The following EPM2A variants were observed in gnomAD, a reference collection of about 807,000 sequenced individuals.
EPM2A encodes laforin.
A neutral mutation model predicts 26.5 loss-of-function variants in EPM2A; 21 were observed. The ratio of observed to expected loss-of-function variants is 0.79; its 90% CI spans 0.56 to 1.14. The LOEUF is 1.14. EPM2A is among the 50% of genes most tolerant of loss of function. EPM2A has a pLI of 0.00. For missense variants in EPM2A, 458 were observed against 440.8 expected (o/e 1.04, Z -0.35); for synonymous variants, 217 against 177.6 (o/e 1.22, Z -1.76).
intron 4 of EPM2A, among the ~76,000 whole-genome samples, chr6:145,405,103 G>C (rs558707557): frequency 6.6e-6 from 1 of 152,074 alleles, no homozygotes; most frequent in Non-Finnish European, 1.5e-5. Context: ...TAATTGGATT[G>C]CTGCTGTTGT....
chr6:145,395,183 C>A (rs1220323170), intron 4 of EPM2A, among the ~76,000 whole-genome samples: 1 of 152,118 alleles, frequency 6.6e-6, no homozygotes, highest in Non-Finnish European at 1.5e-5. Flanking sequence ...ACAGAGCTTG[C>A]GTTTCCAACC....
intron 4 of EPM2A, among the ~76,000 whole-genome samples, chr6:145,393,791 G>A (rs956902745): frequency 1.3e-5 from 2 of 151,764 alleles, no homozygotes; most frequent in African/African-American, 4.8e-5. Flanking sequence ...CCATAAAAAT[G>A]GTCAGGGTCA....
chr6:145,414,206 T>C (rs1368513513), intron 4 of EPM2A, among the ~76,000 whole-genome samples: 1 of 152,146 alleles, frequency 6.6e-6, no homozygotes, highest in Non-Finnish European at 1.5e-5. Context: ...CTTTCTTTTT[T>C]GCTGTCCTGG....
chr6:145,727,379 A>G (rs1445386398), intron 1 of EPM2A, among the ~76,000 whole-genome samples: 2 of 152,206 alleles, frequency 1.3e-5, no homozygotes, highest in Admixed American at 1.3e-4. Context: ...TTCATAGCAG[A>G]TTAGACCTAG....
Position 145,574,845 on chromosome 6 carries a change from T to G in EPM2A, c.340+60400A>C, listed in dbSNP as rs184399611. ...TGGGCCCAAATCAATAAATTTAGTC[T>G]GATCCAACTCTATGTTCCTTCCACC... On this transcript the variant is annotated intron_variant, in intron 2 of 3. Coordinates refer to the EPM2A transcript ENST00000450221. 1.1e-3 allele frequency among the ~76,000 whole-genome samples: 170 copies of G among 152,344 alleles called. 2 individuals are homozygous for G. Among genetic ancestry groups the G allele is most frequent in the Non-Finnish European group, 1.0e-3 (71 of 68,028 alleles).
At chr6:145,553,012 G>A (rs1780676725) in intron 2 of EPM2A, among the ~76,000 whole-genome samples, 1 of 152,030 alleles carries the variant, frequency 6.6e-6, no homozygotes, top group African/African-American at 2.4e-5. Context: ...ATCTCACCTT[G>A]AATTGTAATC....
At position 145,397,493 on chromosome 6, in the gene EPM2A, C is replaced by A. The variant is rs117729323; in HGVS notation, c.556-13396G>T. 3.2e-3 allele frequency among the ~76,000 whole-genome samples: 488 copies of A among 152,192 alleles called. 2 individuals are homozygous for A. Among genetic ancestry groups the A allele is most frequent in the Admixed American group, 6.9e-3 (106 of 15,272 alleles). On this transcript the variant is annotated intron_variant, in intron 4 of 4. Transcript: ENST00000638717. ...GGAAATTGTTATTGGTTGGTCTACG[C>A]CTTTAGAACAAGAAATGTTATCTCC...
At chr6:145,467,089 C>T (rs1012289792) in intron 4 of EPM2A, among the ~76,000 whole-genome samples, 1 of 152,014 alleles carries the variant, frequency 6.6e-6, no homozygotes, top group Non-Finnish European at 1.5e-5. Context: ...CACATGTATG[C>T]ATATGTAACT....
intron 4 of EPM2A, among the ~76,000 whole-genome samples, chr6:145,441,184 T>G (rs1174997287): frequency 1.3e-5 from 2 of 152,208 alleles, no homozygotes; most frequent in Non-Finnish European, 2.9e-5. Flanking sequence ...CAACACCACA[T>G]GGAAGCTGCC....
intron 2 of EPM2A, among the ~76,000 whole-genome samples, chr6:145,645,092 T>C (rs1271551574): frequency 6.6e-6 from 1 of 152,208 alleles, no homozygotes; most frequent in African/African-American, 2.4e-5. Context: ...ATGTTCCTGT[T>C]TGCAGTTAAT....
At chr6:145,576,160 C>G (rs1453635637) in intron 2 of EPM2A, among the ~76,000 whole-genome samples, 2 of 152,142 alleles carry the variant, frequency 1.3e-5, no homozygotes, top group African/African-American at 4.8e-5. Context: ...ATCTTTACCA[C>G]CCCACAATTC....
At chr6:145,429,129 A>C (rs1391020084) in intron 4 of EPM2A, among the ~76,000 whole-genome samples, 1 of 152,066 alleles carries the variant, frequency 6.6e-6, no homozygotes, top group Non-Finnish European at 1.5e-5. Context: ...TTTGATGATC[A>C]AATTTACAAA....
intron 2 of EPM2A, among the ~76,000 whole-genome samples, chr6:145,573,549 T>A (rs1780988041): frequency 1.3e-5 from 2 of 152,244 alleles, no homozygotes; most frequent in Admixed American, 1.3e-4. Flanking sequence ...GTGGTGGGAA[T>A]CACCACCCCT....
intron 2 of EPM2A, among the ~76,000 whole-genome samples, chr6:145,557,903 C>T (rs1164294632): frequency 6.6e-6 from 1 of 152,046 alleles, no homozygotes; most frequent in African/African-American, 2.4e-5. Context: ...GCCTCTCCAG[C>T]CCCCGGTAAC....
intron 2 of EPM2A, among the ~76,000 whole-genome samples, chr6:145,507,941 T>G (rs1274825035): frequency 2.6e-5 from 4 of 152,098 alleles, no homozygotes; most frequent in Non-Finnish European, 5.9e-5. Flanking sequence ...GGGGAGACAG[T>G]GCCCCACTAG....
rs760972465 is a variant in EPM2A at position 145,627,198 on chromosome 6, C to T, written c.*218G>A. On this transcript the variant is annotated 3_prime_UTR_variant, in exon 4 of 4. Coordinates refer to ENST00000367519, the MANE Select transcript of EPM2A (RefSeq NM_005670.4). The stretch of plus-strand genomic sequence containing the variant: ...TGTACAGCCTAACTGCTTCGTGCTT[C>T]TTCTCATGTGTTGAGCCACAGCTTT... 7.0e-7 allele frequency: 1 copy of T among 1,435,920 alleles called. No homozygotes were observed. 88.9% of individuals were successfully genotyped at this position (1,435,920 alleles called of 1,614,324 possible).
chr6:145,445,474 G>T (rs1779118027), intron 4 of EPM2A, among the ~76,000 whole-genome samples: 1 of 152,170 alleles, frequency 6.6e-6, no homozygotes, highest in Admixed American at 6.5e-5. Flanking sequence ...AGAGAATCTA[G>T]GCTATAATTT....
chr6:145,730,113 GC>G (rs1776411685), intron 1 of EPM2A, among the ~76,000 whole-genome samples: 1 of 152,096 alleles, frequency 6.6e-6, no homozygotes, highest in South Asian at 2.1e-4. Flanking sequence ...GGTCTCCCCA[GC>G]CATGTTTCCT....
At chr6:145,669,400 AG>A (rs1779484952) in intron 2 of EPM2A, among the ~76,000 whole-genome samples, 1 of 152,234 alleles carries the variant, frequency 6.6e-6, no homozygotes, top group African/African-American at 2.4e-5. Flanking sequence ...TCCACAAAAG[AG>A]TGGACTATGA....
Sources: allele counts gnomAD v4.1 joint callset (sites outside exome capture counted in the v4.1 genomes callset), GRCh38; gene constraint gnomAD v4.1.1; transcripts MANE v1.5; gene names NCBI Gene and HGNC (gene_info 2026-07-23, HGNC 2026-07-21).